Variants in PPP1R16B observed in about 807,000 individuals in gnomAD.
The protein encoded by PPP1R16B is protein phosphatase 1 regulatory inhibitor subunit 16B.
A neutral mutation model predicts 61.7 loss-of-function variants in PPP1R16B; 14 were observed. The observed-to-expected ratio is 0.23, with a 90% confidence interval of 0.15 to 0.35. The LOEUF (loss-of-function observed/expected upper bound fraction) is 0.35, where lower values mean the gene tolerates loss of function less well. PPP1R16B is among the 10% of genes least tolerant of loss of function. The pLI is 1.00. For synonymous variants in PPP1R16B, 266 were observed against 305.3 expected (o/e 0.87, Z 1.34); for missense variants, 547 against 752.5 (o/e 0.73, Z 3.19).
At chr20:38,809,557 C>A (rs965438992) in intron 1 of PPP1R16B, among the ~76,000 whole-genome samples, 3 of 152,012 alleles carry the variant, frequency 2.0e-5, no homozygotes, top group Non-Finnish European at 1.5e-5. Flanking sequence ...CTCAGGCTGA[C>A]CCAGGTCTGA....
At chr20:38,851,003 C>T (rs1356940862) in intron 2 of PPP1R16B, among the ~76,000 whole-genome samples, 1 of 151,048 alleles carries the variant, frequency 6.6e-6, no homozygotes, top group Non-Finnish European at 1.5e-5. Flanking sequence ...AGGTCATGGG[C>T]AGAGATGCTG....
intron 1 of PPP1R16B, among the ~76,000 whole-genome samples, chr20:38,825,631 C>T (rs2145712721): frequency 6.6e-6 from 1 of 152,186 alleles, no homozygotes; most frequent in East Asian, 1.9e-4. Context: ...CTATGTGAAC[C>T]TGAGATTTCC....
chr20:38,850,896 A>G (rs1171969292), intron 2 of PPP1R16B, among the ~76,000 whole-genome samples: 1 of 149,346 alleles, frequency 6.7e-6, no homozygotes, highest in Non-Finnish European at 1.5e-5. Flanking sequence ...TGAACACGGG[A>G]GGTGGAGGTT....
Position 38,919,250 on chromosome 20 carries a change from CAG to C in PPP1R16B, c.*585_*586del, listed in dbSNP as rs1189154045. On this transcript the variant is annotated 3_prime_UTR_variant, in exon 11 of 11. Transcript: ENST00000299824. ...AGTCTGAGCCACCAGCCACACCTGA[CAG>C]GGGTGAGAAGTCCTCGCTGTGTTCA... is the stretch of plus-strand genomic sequence containing the variant. 6.5e-6 allele frequency: 1 copy of C among 152,732 alleles called. No homozygotes were observed. Among genetic ancestry groups the C allele is most frequent in the African/African-American group, 2.4e-5 (1 of 41,430 alleles). 9.5% of individuals were successfully genotyped at this position (152,732 alleles called of 1,614,324 possible).
intron 1 of PPP1R16B, among the ~76,000 whole-genome samples, chr20:38,834,665 T>C (rs1301007512): frequency 2.6e-5 from 4 of 152,172 alleles, no homozygotes; most frequent in African/African-American, 9.6e-5. Flanking sequence ...AGCTTTTGTT[T>C]ATGTGGATTA....
At chr20:38,866,654 G>A (rs1555805113) in intron 2 of PPP1R16B, among the ~76,000 whole-genome samples, 1 of 152,174 alleles carries the variant, frequency 6.6e-6, no homozygotes, top group Non-Finnish European at 1.5e-5. Flanking sequence ...TGGAGGGTGG[G>A]TCTCCTGGGC....
rs1461007862 is a variant in PPP1R16B at position 38,807,678 on chromosome 20, G to A, written c.-102+1886G>A. 2.0e-5 allele frequency among the ~76,000 whole-genome samples: 3 copies of A among 152,268 alleles called. No individual in the cohort carries two copies. In the East Asian group the frequency reaches 5.8e-4, roughly 29 times the overall value. ...TCCCATCTTCCTGGCTGAGTCCCCA[G>A]GATGCTGGGGGCAAGATGTCAACCA... On this transcript the variant is annotated intron_variant, in intron 1 of 10. Transcript: ENST00000299824.
In PPP1R16B at chr20:38,835,957, T is replaced by C; in HGVS notation, c.32T>C (p.Leu11Pro). 6.5e-7 allele frequency: 1 copy of C among 1,546,156 alleles called. No homozygotes were observed. Reference sequence around the variant, plus strand: ...AGTCACGTGGACCTGCTGACGGAGCTGCAGCTGCTGGAGAAGGTGCCCACG... The same window carrying C: ...AGTCACGTGGACCTGCTGACGGAGCCGCAGCTGCTGGAGAAGGTGCCCACG... MASHVDLLTE[L>P]QLLEKVPTLE... is the part of the protein sequence containing the mutation. The change falls in exon 2 of 11, where the codon CTG (leucine) becomes CCG (proline). Residue 11 changes from leucine (L) to proline (P), a missense_variant. Physicochemically the swap from Leu to Pro is moderately conservative, Grantham distance 98. Transcript: ENST00000299824.
rs542268330 is a variant in PPP1R16B at position 38,917,123 on chromosome 20, C to T, written c.1195-1034C>T. ...ATCAGCCTGGCCAGCATGGTGAAAC[C>T]CCATCTCTACAAAAATACAAAAATT... On this transcript the variant is annotated intron_variant, in intron 10 of 10. Transcript: ENST00000299824. Among the ~76,000 whole-genome samples, 13 of 152,068 alleles carry T rather than the reference C, an allele frequency of 8.5e-5. No individual in the cohort carries two copies. In the East Asian group the frequency reaches 2.5e-3, roughly 29 times the overall value.
chr20:38,812,922 A>G (rs1395052588), intron 1 of PPP1R16B, among the ~76,000 whole-genome samples: 1 of 152,240 alleles, frequency 6.6e-6, no homozygotes. Flanking sequence ...TAAAATGCAG[A>G]AACTGACTCA....
chr20:38,844,916 G>A (rs1003460486), intron 2 of PPP1R16B, among the ~76,000 whole-genome samples: 1 of 152,134 alleles, frequency 6.6e-6, no homozygotes, highest in African/African-American at 2.4e-5. Context: ...GTTTATGGGG[G>A]TCAACAAGGA....
At chr20:38,867,263 A>G (rs572124632) in intron 2 of PPP1R16B, among the ~76,000 whole-genome samples, 2 of 152,262 alleles carry the variant, frequency 1.3e-5, no homozygotes, top group South Asian at 4.2e-4. Context: ...TTCATGTCCA[A>G]ACATCAGCCT....
At chr20:38,831,320 T>G (rs2084835776) in intron 1 of PPP1R16B, among the ~76,000 whole-genome samples, 1 of 152,208 alleles carries the variant, frequency 6.6e-6, no homozygotes, top group African/African-American at 2.4e-5. Context: ...AGGAGGCCAG[T>G]CTGCAGCCCA....
intron 2 of PPP1R16B, among the ~76,000 whole-genome samples, chr20:38,845,119 C>A (rs538891239): frequency 1.3e-5 from 2 of 152,240 alleles, no homozygotes; most frequent in Admixed American, 1.3e-4. Flanking sequence ...ACAAACCTAA[C>A]CAGAAAGCAG....
chr20:38,837,407 T>A (rs2084879038), intron 2 of PPP1R16B, among the ~76,000 whole-genome samples: 1 of 152,118 alleles, frequency 6.6e-6, no homozygotes, highest in Admixed American at 6.5e-5. Context: ...TCAAAGGATG[T>A]CCATAAAGTC....
chr20:38,902,674 C>T lies in PPP1R16B; in HGVS notation c.578C>T (p.Thr193Ile). The T allele has an allele frequency of 6.2e-7, 1 of 1,614,180 alleles. No individual in the cohort carries two copies. The highest frequency in any genetic ancestry group is 8.5e-7 in the Non-Finnish European group (1 of 1,180,028). Residue 193 changes from threonine (T) to isoleucine (I), a missense_variant, in exon 6 of 11, where the codon ACC becomes ATC. Thr to Ile is a moderately conservative substitution (Grantham distance 89, BLOSUM62 -1). Coordinates refer to ENST00000299824, the MANE Select transcript of PPP1R16B (RefSeq NM_015568.4). ...IETCMAYQGI[T>I]QEKINEMRVA... is the part of the protein sequence containing the mutation. ...CCCCTCTTTCCCACTGCAGGCATCACCCAAGAGAAAATCAACGAGATGCGG... is the reference window on the plus strand; with the variant it reads ...CCCCTCTTTCCCACTGCAGGCATCATCCAAGAGAAAATCAACGAGATGCGG...
At chr20:38,901,684 A>G (rs2085395027) in intron 5 of PPP1R16B, among the ~76,000 whole-genome samples, 1 of 152,236 alleles carries the variant, frequency 6.6e-6, no homozygotes. Context: ...TTCTGGGATT[A>G]CAGGCGTGAA....
intron 2 of PPP1R16B, among the ~76,000 whole-genome samples, chr20:38,865,921 C>T (rs2085087394): frequency 6.6e-6 from 1 of 151,930 alleles, no homozygotes; most frequent in South Asian, 2.1e-4. Flanking sequence ...GTCAGGAGTT[C>T]GAGACCAGCC....
At chr20:38,840,487 G>A (rs763200112) in intron 2 of PPP1R16B, among the ~76,000 whole-genome samples, 1 of 152,006 alleles carries the variant, frequency 6.6e-6, no homozygotes, top group African/African-American at 2.4e-5. Context: ...CCCAGGCGAC[G>A]CCAGCTCCAC....
Sources: gnomAD v4.1 joint callset for allele counts (sites outside exome capture counted in the v4.1 genomes callset) on GRCh38, gnomAD v4.1.1 for gene constraint, MANE v1.5 for transcripts, NCBI Gene and HGNC (gene_info 2026-07-23, HGNC 2026-07-21) for gene names.